The following SKI variants were observed in gnomAD, a reference collection of about 807,000 sequenced individuals.
SKI encodes SKI proto-oncogene, also known as ski oncogene.
Under a neutral mutation model 59.3 loss-of-function variants are expected in SKI, and 23 were observed. The observed-to-expected ratio is 0.39, with a 90% confidence interval of 0.28 to 0.55. SKI has a LOEUF of 0.55. SKI is among the 20% of genes least tolerant of loss of function. The pLI is 0.67. For synonymous variants in SKI, 673 were observed against 488.6 expected, an observed-to-expected ratio of 1.38 and a Z score of -4.98; for missense variants, 1,017 against 1,038.9, an observed-to-expected ratio of 0.98 and a Z score of 0.29.
intron 1 of SKI, among the ~76,000 whole-genome samples, chr1:2,231,983 CTG>C (rs1448631776): frequency 1.3e-5 from 2 of 152,234 alleles, no homozygotes; most frequent in African/African-American, 4.8e-5. Flanking sequence ...GTGCGTGTCT[CTG>C]TGTGCACAGG....
In SKI at chr1:2,303,030, C is replaced by T. The variant is rs1267989248; in HGVS notation, c.1022C>T (p.Ser341Phe). 6.2e-7 allele frequency: 1 copy of T among 1,613,768 alleles called. No homozygotes were observed. The highest frequency in any genetic ancestry group is 8.5e-7 in the Non-Finnish European group (1 of 1,180,020). The change falls in exon 2 of 7, where the codon TCC (serine) becomes TTC (phenylalanine). Residue 341 changes from serine to phenylalanine, a missense_variant. Coordinates refer to ENST00000378536, the MANE Select transcript of SKI (RefSeq NM_003036.4). This position sits in a 1 kb window ranked among gnomAD's most constrained non-coding sequence, Gnocchi z 5.6. ...SIRPKTDDTS[S>F]QSPAPSEKDK... ...AGACCCAAAACAGATGACACCTCTT[C>T]CCAGTCCCCCGCGCCTTCCGAAAAG...
At chr1:2,243,975 T>A (rs1264723000) in intron 1 of SKI, among the ~76,000 whole-genome samples, 1 of 152,046 alleles carries the variant, frequency 6.6e-6, no homozygotes, top group East Asian at 1.9e-4. Context: ...TTTCTTTCTT[T>A]CTTTTTTTGA....
intron 1 of SKI, among the ~76,000 whole-genome samples, chr1:2,271,718 T>TC (rs1639625472): frequency 6.7e-6 from 1 of 149,236 alleles, no homozygotes; most frequent in Non-Finnish European, 1.5e-5. Flanking sequence ...CCTGGTCCCC[T>TC]GGGGGGGGGT....
chr1:2,308,411 G>A lies in SKI; in HGVS notation c.*1646G>A, dbSNP rs1473701259. ...CCCTTCTAAAGTGCAATGCAAAAGGGACATCATGTATATGCAGCGTTTGTT... is the reference window on the plus strand; with the variant it reads ...CCCTTCTAAAGTGCAATGCAAAAGGAACATCATGTATATGCAGCGTTTGTT... On this transcript the variant is annotated 3_prime_UTR_variant, in exon 7 of 7. Transcript: ENST00000378536. The A allele has an allele frequency of 6.6e-6, 1 of 152,202 alleles. No individual in the cohort carries two copies. The highest frequency in any genetic ancestry group is 1.5e-5 in the Non-Finnish European group (1 of 68,038). The allele number at this position is 152,202 out of a possible 1,614,324, so 9.4% of individuals were successfully genotyped here. A position where few individuals can be genotyped will look rare whatever the true frequency, so the allele number is the denominator to read the frequency against.
chr1:2,240,523 G>A (rs1446074193), intron 1 of SKI: 1 of 985,326 alleles, frequency 1.0e-6, no homozygotes, highest in Admixed American at 6.1e-5. Flanking sequence ...TGGTTGTGGG[G>A]CAAGGCTGCG....
chr1:2,249,496 G>A (rs1044409502), intron 1 of SKI, among the ~76,000 whole-genome samples: 2 of 152,352 alleles, frequency 1.3e-5, no homozygotes, highest in Non-Finnish European at 1.5e-5. Flanking sequence ...CCGGGTGGCC[G>A]GCTCCTCACC....
In SKI at chr1:2,306,669, C is replaced by T. The variant is rs1487847272; in HGVS notation, c.2091C>T (p.His697=). The T allele has an allele frequency of 3.2e-6, 5 of 1,544,938 alleles. No homozygotes were observed. The highest frequency in any genetic ancestry group is 1.4e-5 in the African/African-American group (1 of 72,682). Reference sequence around the variant, plus strand: ...TGCGGGAGCGCGAGGCCCGGGAGCACCTGGAGAAGGTGGTGAAGGAGCTGC... The same window carrying T: ...TGCGGGAGCGCGAGGCCCGGGAGCATCTGGAGAAGGTGGTGAAGGAGCTGC... The part of the protein sequence containing the change: ...DLLREREARE[H]LEKVVKELQE... Residue 697 remains histidine (H), a synonymous_variant, in exon 7 of 7, where the codon CAC becomes CAT. Transcript: ENST00000378536.
rs1268759501 is a variant in SKI, at chr1:2,269,291, C to T, written c.970-33687C>T. Among the ~76,000 whole-genome samples, 1 of 152,190 alleles carries T rather than the reference C, an allele frequency of 6.6e-6. No homozygotes were observed. Among genetic ancestry groups the T allele is most frequent in the Non-Finnish European group, 1.5e-5 (1 of 68,036 alleles). ...AGATCCAGCCCTGGGAAGAAAGCAC[C>T]GCTGGCCATGACTGGGCAGAGCCAG... On this transcript the variant is annotated intron_variant, in intron 1 of 6. Coordinates refer to ENST00000378536, the MANE Select transcript of SKI (RefSeq NM_003036.4). The surrounding 1 kb of genome is among the most constrained non-coding windows in gnomAD (Gnocchi z 4.7).
At chr1:2,234,669 G>A (rs548639589) in intron 1 of SKI, among the ~76,000 whole-genome samples, 2 of 152,334 alleles carry the variant, frequency 1.3e-5, no homozygotes, top group South Asian at 2.1e-4. Context: ...TGTCCACGCC[G>A]GCGGCCCGGC....
At chr1:2,259,193 G>A (rs939912142) in intron 1 of SKI, among the ~76,000 whole-genome samples, 4 of 152,304 alleles carry the variant, frequency 2.6e-5, no homozygotes, top group African/African-American at 7.2e-5. Flanking sequence ...ACGCCCCACC[G>A]CCCTCGCCGG....
chr1:2,250,108 G>A (rs2100821693), intron 1 of SKI, among the ~76,000 whole-genome samples: 1 of 152,264 alleles, frequency 6.6e-6, no homozygotes, highest in African/African-American at 2.4e-5. Context: ...GTTTCACCAT[G>A]TTGGCCAAGC....
At chr1:2,284,423 T>C (rs1639986878) in intron 1 of SKI, among the ~76,000 whole-genome samples, 1 of 152,162 alleles carries the variant, frequency 6.6e-6, no homozygotes, top group East Asian at 1.9e-4. Flanking sequence ...GTAACAGTTA[T>C]CTCATGGAAA....
intron 1 of SKI, 89 bp from the exon 2 acceptor site, chr1:2,302,889 C>T: frequency 8.3e-6 from 13 of 1,558,522 alleles, no homozygotes; most frequent in Non-Finnish European, 1.1e-5. Flanking sequence ...GTGCATGGGG[C>T]TCTGACTGCC....
Position 2,228,692 on chromosome 1 carries a change from G to T in SKI, c.-75G>T. On this transcript the variant is annotated 5_prime_UTR_variant, in exon 1 of 7. Transcript: ENST00000378536. ...TCGGGGCCGCGGGCGCCGCCGGGGC[G>T]CGCGGGGCGGCGGCGGGGGCCGGGG... The T allele has an allele frequency of 3.3e-6, 3 of 921,300 alleles. No homozygotes were observed. Among genetic ancestry groups the T allele is most frequent in the Non-Finnish European group, 3.9e-6 (3 of 775,422 alleles). The allele number at this position is 921,300 out of a possible 1,614,324, so 57.1% of individuals were successfully genotyped here.
At position 2,303,065 on chromosome 1, in the gene SKI, T is replaced by C. The variant is rs768686539; in HGVS notation, c.1057T>C (p.Ser353Pro). Reference sequence around the variant, plus strand: ...CGCGCCTTCCGAAAAGGACAAGCCGTCCAGCTGGCTGCGGACCTTGGCCGG... The same window carrying C: ...CGCGCCTTCCGAAAAGGACAAGCCGCCCAGCTGGCTGCGGACCTTGGCCGG... ...SPAPSEKDKPSSWLRTLAGSS... is the reference protein window; with the variant it reads ...SPAPSEKDKPPSWLRTLAGSS... The change falls in exon 2 of 7, where the codon TCC becomes CCC. Residue 353 changes from serine (S) to proline (P), a missense_variant. By Grantham distance (74) the Ser-to-Pro change is moderately conservative. Coordinates refer to ENST00000378536, the MANE Select transcript of SKI (RefSeq NM_003036.4). This position sits in a 1 kb window ranked among gnomAD's most constrained non-coding sequence, Gnocchi z 5.6. 4 of 1,613,410 alleles carry C rather than the reference T, an allele frequency of 2.5e-6. No individual in the cohort carries two copies. In the African/African-American group the frequency reaches 5.3e-5, roughly 22 times the overall value.
intron 1 of SKI, among the ~76,000 whole-genome samples, chr1:2,266,938 G>A (rs1639512182): frequency 6.6e-6 from 1 of 152,192 alleles, no homozygotes; most frequent in Non-Finnish European, 1.5e-5. Flanking sequence ...GGTGGCCTCT[G>A]CTTCAGGGAG....
At chr1:2,277,427 A>T (rs1020469405) in intron 1 of SKI, among the ~76,000 whole-genome samples, 5 of 152,168 alleles carry the variant, frequency 3.3e-5, no homozygotes, top group African/African-American at 1.2e-4. Flanking sequence ...ATAGTGAGTA[A>T]GTCTCATGCG....
rs749160451 is a variant in SKI at position 2,303,064 on chromosome 1, G to A, written c.1056G>A (p.Pro352=). The A allele has an allele frequency of 1.7e-5, 28 of 1,613,492 alleles. No individual in the cohort carries two copies. The highest frequency in any genetic ancestry group is 1.7e-4 in the Admixed American group (10 of 60,010). Residue 352 remains proline, a synonymous_variant, in exon 2 of 7, where the codon CCG becomes CCA. Transcript: ENST00000378536. The surrounding 1 kb of genome is among the most constrained non-coding windows in gnomAD (Gnocchi z 5.6). ...QSPAPSEKDK[P]SSWLRTLAGS... ...CCGCGCCTTCCGAAAAGGACAAGCC[G>A]TCCAGCTGGCTGCGGACCTTGGCCG...
Position 2,306,735 on chromosome 1 carries a change from C to T in SKI, c.2157C>T (p.Gly719=). 6.5e-7 allele frequency: 1 copy of T among 1,530,214 alleles called. No homozygotes were observed. The highest frequency in any genetic ancestry group is 8.8e-7 in the Non-Finnish European group (1 of 1,140,758). The allele number at this position is 1,530,214 out of a possible 1,614,324, so 94.8% of individuals were successfully genotyped here. ...CGCGGGCCCGCCCCGAGGCTGCGGG[C>T]AGCGAGGGCGCTGCGGAGCTGGAGC... The part of the protein sequence containing the change: ...LWPRARPEAA[G]SEGAAELEP Residue 719 remains glycine, a synonymous_variant, in exon 7 of 7, where the codon GGC becomes GGT. Coordinates refer to ENST00000378536, the MANE Select transcript of SKI (RefSeq NM_003036.4).
Sources: gnomAD v4.1 joint callset for allele counts (sites outside exome capture counted in the v4.1 genomes callset) on GRCh38, gnomAD v4.1.1 for gene constraint, Gnocchi (gnomAD v3.1) non-coding constraint, MANE v1.5 for transcripts, NCBI Gene and HGNC (gene_info 2026-07-23, HGNC 2026-07-21) for gene names.